Variants in GABRA3 observed in about 807,000 individuals in gnomAD.
The protein encoded by GABRA3 is gamma-aminobutyric acid receptor subunit alpha-3.
Under a neutral mutation model 30.1 loss-of-function variants are expected in GABRA3, and 10 were observed. The ratio of observed to expected loss-of-function variants is 0.33; its 90% CI spans 0.20 to 0.56. GABRA3 has a LOEUF of 0.56. GABRA3 is among the 20% of genes least tolerant of loss of function. The pLI is 0.89. For missense variants in GABRA3, 233 were observed against 392.0 expected (o/e 0.59, Z 3.42); for synonymous variants, 151 against 146.8 (o/e 1.03, Z -0.21).
chrX:152,334,748 T>C (rs781573808), intron 3 of GABRA3, among the ~76,000 whole-genome samples: 2 of 103,037 alleles, frequency 1.9e-5, no homozygotes, highest in African/African-American at 3.8e-5. Context: ...CCTATGGGCA[T>C]ACATAAAATC....
intron 1 of GABRA3, among the ~76,000 whole-genome samples, chrX:152,411,750 A>G (rs763484238): frequency 1.8e-5 from 2 of 111,992 alleles, no homozygotes; most frequent in South Asian, 3.7e-4. Flanking sequence ...AAAAACTTCT[A>G]TGCATCAAAT....
At chrX:152,445,725 A>G (rs967840894) in intron 1 of GABRA3, among the ~76,000 whole-genome samples, 1 of 111,245 alleles carries the variant, frequency 9.0e-6, no homozygotes, top group African/African-American at 3.3e-5. Flanking sequence ...ATCTTAATGG[A>G]TTCATGTCAG....
chrX:152,359,334 T>C (rs187763706), intron 2 of GABRA3, among the ~76,000 whole-genome samples: 1 of 111,215 alleles, frequency 9.0e-6, no homozygotes, highest in East Asian at 2.8e-4. Flanking sequence ...GGTTTTCTAG[T>C]TTGTATGCAT....
chrX:152,404,413 C>A (rs947283980), intron 1 of GABRA3, among the ~76,000 whole-genome samples: 1 of 110,692 alleles, frequency 9.0e-6, no homozygotes, highest in Non-Finnish European at 1.9e-5. Context: ...CAAAGAACCA[C>A]CAACAGAGGC....
intron 6 of GABRA3, among the ~76,000 whole-genome samples, chrX:152,222,052 G>A (rs777318766): frequency 7.2e-5 from 8 of 111,449 alleles, no homozygotes; most frequent in South Asian, 3.7e-4. Context: ...ACAAGATCTC[G>A]TTCTTTTTTG....
At chrX:152,400,686 T>C (rs1220252645) in intron 1 of GABRA3, among the ~76,000 whole-genome samples, 1 of 111,236 alleles carries the variant, frequency 9.0e-6, no homozygotes, top group Admixed American at 9.6e-5. Flanking sequence ...TTAAAATAGA[T>C]ATAGTATCCT....
intron 3 of GABRA3, among the ~76,000 whole-genome samples, chrX:152,287,285 A>G (rs1569383581): frequency 9.0e-6 from 1 of 111,475 alleles, no homozygotes; most frequent in East Asian, 2.8e-4. Context: ...TTTATAGGTA[A>G]TATGATTTGG....
intron 3 of GABRA3, among the ~76,000 whole-genome samples, chrX:152,344,698 G>C (rs772780581): frequency 2.7e-5 from 3 of 111,856 alleles, no homozygotes; most frequent in Non-Finnish European, 5.6e-5. Flanking sequence ...CTTGAGCAAT[G>C]TGCTGATAAA....
chrX:152,224,055 C>A (rs1049064503), intron 6 of GABRA3, among the ~76,000 whole-genome samples: 1 of 111,268 alleles, frequency 9.0e-6, no homozygotes, highest in African/African-American at 3.3e-5. Flanking sequence ...TTATTTGGGT[C>A]TTTTCAAATG....
intron 7 of GABRA3, among the ~76,000 whole-genome samples, chrX:152,204,352 C>T (rs1243604193): frequency 9.0e-6 from 1 of 111,222 alleles, no homozygotes; most frequent in African/African-American, 3.3e-5. Context: ...CCCTCCCTGC[C>T]TTTCTTCCTG....
At chrX:152,249,442 C>T (rs960725091) in intron 5 of GABRA3, among the ~76,000 whole-genome samples, 2 of 111,418 alleles carry the variant, frequency 1.8e-5, no homozygotes, top group East Asian at 5.6e-4. Context: ...ACATAGTATA[C>T]TACATATACA....
At chrX:152,363,560 G>A (rs942697722) in intron 2 of GABRA3, among the ~76,000 whole-genome samples, 1 of 110,902 alleles carries the variant, frequency 9.0e-6, no homozygotes, top group Non-Finnish European at 1.9e-5. Context: ...TCCTCATGAG[G>A]TCAAATTGAG....
At chrX:152,218,055 G>T (rs762118953) in intron 6 of GABRA3, among the ~76,000 whole-genome samples, 2 of 107,830 alleles carry the variant, frequency 1.9e-5, no homozygotes, top group Non-Finnish European at 3.9e-5. Context: ...TGGAAATTCA[G>T]GTTATTGATT....
At chrX:152,357,863 G>T (rs1478831730) in intron 2 of GABRA3, among the ~76,000 whole-genome samples, 1 of 111,152 alleles carries the variant, frequency 9.0e-6, no homozygotes, top group Non-Finnish European at 1.9e-5. Flanking sequence ...GATGTTTGTA[G>T]ATCTGTGGCA....
At chrX:152,351,479 CTTT>C (rs750392682) in intron 2 of GABRA3, among the ~76,000 whole-genome samples, 2 of 111,913 alleles carry the variant, frequency 1.8e-5, no homozygotes, top group Non-Finnish European at 3.8e-5. Context: ...TCTGCAGCTT[CTTT>C]ATCTCTCCCA....
intron 2 of GABRA3, among the ~76,000 whole-genome samples, chrX:152,352,590 C>T (rs1940494540): frequency 9.0e-6 from 1 of 111,463 alleles, no homozygotes; most frequent in Non-Finnish European, 1.9e-5. Context: ...GTTGCTGACG[C>T]AGTTCATACA....
chrX:152,253,664 T>C (rs2124412414), intron 5 of GABRA3, among the ~76,000 whole-genome samples: 1 of 111,852 alleles, frequency 8.9e-6, no homozygotes, highest in African/African-American at 3.2e-5. Flanking sequence ...ATTCCAGTCT[T>C]TTTACCTTCA....
Position 152,231,355 on chromosome X carries a change from GTGTATATA to G in GABRA3, c.552-6518_552-6511del, listed in dbSNP as rs1198937527. Among the ~76,000 whole-genome samples, 5 of 109,215 alleles carry G rather than the reference GTGTATATA, an allele frequency of 4.6e-5. No individual in the cohort carries two copies. In the Admixed American group the frequency reaches 4.9e-4, roughly 11 times the overall value. The allele number at this position is 109,215 out of a possible 115,157, so 94.8% of individuals were successfully genotyped here. A position where few individuals can be genotyped will look rare whatever the true frequency, so the allele number is the denominator to read the frequency against. On this transcript the variant is annotated intron_variant, in intron 5 of 9. Coordinates refer to ENST00000370314, the MANE Select transcript of GABRA3 (RefSeq NM_000808.4). ...TGTGTGTATACACGTGTGTATATAC[GTGTATATA>G]TGTATATATGCAAATAAGATATTCT...
intron 5 of GABRA3, among the ~76,000 whole-genome samples, chrX:152,251,894 A>C (rs1458877144): frequency 9.0e-6 from 1 of 110,569 alleles, no homozygotes; most frequent in Non-Finnish European, 1.9e-5. Context: ...ATAACCTCAT[A>C]ACCTTTCATG....
Sources: gnomAD v4.1 joint callset for allele counts (sites outside exome capture counted in the v4.1 genomes callset) on GRCh38, gnomAD v4.1.1 for gene constraint, MANE v1.5 for transcripts, NCBI Gene and HGNC (gene_info 2026-07-23, HGNC 2026-07-21) for gene names.